LINGO1: variants seen among roughly 807,000 people sequenced by gnomAD.
LINGO1 encodes leucine rich repeat and Ig domain containing 1, also known as leucine-rich repeat and immunoglobulin-like domain-containing nogo receptor-interacting protein 1.
A neutral mutation model predicts 37.3 loss-of-function variants in LINGO1; 11 were observed. That is an observed-to-expected ratio of 0.29 (90% confidence interval 0.19 to 0.49). The LOEUF is 0.49. Among genes scored for constraint, LINGO1 ranks in the 20% least tolerant of loss-of-function variants. The pLI is 0.99. For missense variants in LINGO1, 585 were observed against 878.2 expected, an observed-to-expected ratio of 0.67 and a Z score of 4.22; for synonymous variants, 387 against 403.0, an observed-to-expected ratio of 0.96 and a Z score of 0.48.
At chr15:77,638,665 A>G (rs891297745), upstream of LINGO1, among the ~76,000 whole-genome samples, 2 of 152,340 alleles carry the variant, frequency 1.3e-5, no homozygotes, top group Admixed American at 1.3e-4. Flanking sequence ...AAGGCAGCAT[A>G]GTGGCTCGAA....
chr15:77,716,315 C>CTGTCACCCA (rs1312977138), intron 2 of LINGO1, among the ~76,000 whole-genome samples: 3 of 137,780 alleles, frequency 2.2e-5, no homozygotes, highest in African/African-American at 5.3e-5. Context: ...GGGTCTCACT[C>CTGTCACCCA]TGTCACCCAG....
In LINGO1 at chr15:77,805,637, C is replaced by T. The variant is rs951019845; in HGVS notation, c.-457-9584G>A. 5.3e-5 allele frequency among the ~76,000 whole-genome samples: 8 copies of T among 152,178 alleles called. No homozygotes were observed. The South Asian group carries it at 1.7e-3, about 32-fold the overall frequency. ...CTGTGTGGAAGTGCCCATGGCAGGG[C>T]TTCCAAACTGGTGGTCTCGGTGCCT... On this transcript the variant is annotated intron_variant, in intron 1 of 5. Transcript: ENST00000562933.
upstream of LINGO1, among the ~76,000 whole-genome samples, chr15:77,634,627 G>A (rs575921129): frequency 6.6e-6 from 1 of 152,182 alleles, no homozygotes; most frequent in South Asian, 2.1e-4. Context: ...GGGCAGGCTC[G>A]GCAGAAGGAC....
At chr15:77,642,164 G>A (rs542997310) in intron 3 of LINGO1, among the ~76,000 whole-genome samples, 112 of 152,330 alleles carry the variant, frequency 7.4e-4, no homozygotes, top group African/African-American at 2.4e-3. Flanking sequence ...GGCCTAATGA[G>A]GCTTCCGTCT....
chr15:77,629,401 A>G (rs2074187972), intron 1 of LINGO1, among the ~76,000 whole-genome samples: 2 of 152,142 alleles, frequency 1.3e-5, no homozygotes, highest in Admixed American at 6.5e-5. Flanking sequence ...CACTCTTTCT[A>G]CAAAGAACCT....
In LINGO1 at chr15:77,614,383, C is replaced by T; in HGVS notation, c.1524G>A (p.Met508Ile). ...AGCTGCGCACATGCAGGTGGGCGGG[C>T]ATGGAGTCGTTGCCGCCCGCGTTGG... ...IAANAGGNDS[M>I]PAHLHVRSYS... The change falls in exon 2 of 2, where the codon ATG becomes ATA. Residue 508 changes from methionine (M) to isoleucine (I), a missense_variant. Coordinates refer to ENST00000355300, the MANE Select transcript of LINGO1 (RefSeq NM_032808.7). The T allele has an allele frequency of 1.9e-6, 3 of 1,613,530 alleles. No individual in the cohort carries two copies. Among genetic ancestry groups the T allele is most frequent in the Non-Finnish European group, 2.5e-6 (3 of 1,179,828 alleles).
chr15:77,690,629 G>T (rs2075587072), intron 2 of LINGO1: 1 of 152,234 alleles, frequency 6.6e-6, no homozygotes, highest in African/African-American at 2.4e-5. Context: ...CCGATACAGT[G>T]TACAGAAAGA....
intron 3 of LINGO1, among the ~76,000 whole-genome samples, chr15:77,655,922 C>G (rs1258114902): frequency 6.6e-6 from 1 of 152,232 alleles, no homozygotes; most frequent in Non-Finnish European, 1.5e-5. Flanking sequence ...TCCACTTCTG[C>G]CCCGGTCACG....
At chr15:77,726,641 C>G (rs2076105298) in intron 2 of LINGO1, among the ~76,000 whole-genome samples, 1 of 152,188 alleles carries the variant, frequency 6.6e-6, no homozygotes, top group Non-Finnish European at 1.5e-5. Flanking sequence ...CTATACCACT[C>G]CTAAAATAAA....
At chr15:77,655,138 T>C (rs1457938272) in intron 3 of LINGO1, among the ~76,000 whole-genome samples, 1 of 152,194 alleles carries the variant, frequency 6.6e-6, no homozygotes, top group Admixed American at 6.5e-5. Flanking sequence ...GAGAGCAATG[T>C]CGCAGTGCTG....
In LINGO1 at chr15:77,615,181, C is replaced by T. The variant is rs753136520; in HGVS notation, c.726G>A (p.Lys242=). The T allele has an allele frequency of 1.8e-5, 29 of 1,613,692 alleles. 1 individual carries two copies. The highest frequency in any genetic ancestry group is 2.3e-5 in the Non-Finnish European group (27 of 1,179,828). ...DYSFKRLYRL[K]VLEISHWPYL... ...AGGGCCAGTGGGAGATCTCCAAGAC[C>T]TTGAGTCGGTACAGCCTCTTGAAGG... is the stretch of plus-strand genomic sequence containing the variant. The change falls in exon 2 of 2, where the codon AAG becomes AAA. Residue 242 remains lysine (K), a synonymous_variant. Transcript: ENST00000355300.
chr15:77,755,276 C>T (rs993722928), intron 1 of LINGO1, among the ~76,000 whole-genome samples: 2 of 152,224 alleles, frequency 1.3e-5, no homozygotes, highest in South Asian at 4.1e-4. Context: ...AGGAAGCTCC[C>T]CAGGCCAGGC....
intron 1 of LINGO1, among the ~76,000 whole-genome samples, chr15:77,765,680 T>C (rs112819086): frequency 1.2e-4 from 19 of 152,284 alleles, no homozygotes; most frequent in African/African-American, 2.6e-4. Context: ...CCACCCAGCC[T>C]GGGTGGAGAG....
intron 2 of LINGO1, among the ~76,000 whole-genome samples, chr15:77,685,414 C>T (rs547345928): frequency 2.6e-5 from 4 of 152,140 alleles, no homozygotes; most frequent in Non-Finnish European, 4.4e-5. Flanking sequence ...TGGTTTATGG[C>T]ACCAGGAACC....
intron 1 of LINGO1, among the ~76,000 whole-genome samples, chr15:77,779,357 T>G (rs908112289): frequency 6.6e-6 from 1 of 152,160 alleles, no homozygotes; most frequent in African/African-American, 2.4e-5. Flanking sequence ...GAGATGGTTT[T>G]GGGATGATTC....
intron 3 of LINGO1, among the ~76,000 whole-genome samples, chr15:77,667,246 C>T (rs993457169): frequency 6.6e-6 from 1 of 152,176 alleles, no homozygotes; most frequent in Admixed American, 6.5e-5. Flanking sequence ...AGCGCATTCT[C>T]CCACTGGAGG....
At chr15:77,722,782 A>AT (rs1555534862) in intron 2 of LINGO1, among the ~76,000 whole-genome samples, 1 of 152,178 alleles carries the variant, frequency 6.6e-6, no homozygotes, top group Non-Finnish European at 1.5e-5. Context: ...AGGGCTGGTC[A>AT]TAAGTTGGTG....
At chr15:77,668,492 TG>T (rs2075181622) in intron 3 of LINGO1, among the ~76,000 whole-genome samples, 1 of 152,134 alleles carries the variant, frequency 6.6e-6, no homozygotes, top group African/African-American at 2.4e-5. Flanking sequence ...CTTCATCCGC[TG>T]AGAGAATCTC....
At chr15:77,772,385 G>A (rs568332102) in intron 1 of LINGO1, among the ~76,000 whole-genome samples, 95 of 152,320 alleles carry the variant, frequency 6.2e-4, no homozygotes, top group African/African-American at 9.9e-4. Flanking sequence ...TTCCTCATCC[G>A]TAAGAGGAGG....
Sources: allele counts gnomAD v4.1 joint callset (sites outside exome capture counted in the v4.1 genomes callset), GRCh38; gene constraint gnomAD v4.1.1; transcripts MANE v1.5; gene names NCBI Gene and HGNC (gene_info 2026-07-23, HGNC 2026-07-21).